The following NRG1 variants were observed in gnomAD, a reference collection of about 807,000 sequenced individuals.
The protein encoded by NRG1 is neuregulin 1.
A neutral mutation model predicts 63.8 loss-of-function variants in NRG1; 18 were observed. The observed-to-expected ratio is 0.28, with a 90% confidence interval of 0.19 to 0.42. The LOEUF (loss-of-function observed/expected upper bound fraction) is 0.42, where lower values mean the gene tolerates loss of function less well. Among genes scored for constraint, NRG1 ranks in the 10% least tolerant of loss-of-function variants. NRG1 has a pLI of 1.00. For missense variants in NRG1, 762 were observed against 814.7 expected (o/e 0.94, Z 0.79); for synonymous variants, 302 against 301.3 (o/e 1.00, Z -0.02).
At chr8:31,743,442 TACA>T (rs1323993087) in intron 1 of NRG1, among the ~76,000 whole-genome samples, 1 of 151,992 alleles carries the variant, frequency 6.6e-6, no homozygotes, top group Non-Finnish European at 1.5e-5. Context: ...ATTATTATAT[TACA>T]ACAAGCTCAA....
rs117482935 is a variant in NRG1 at position 31,987,649 on chromosome 8, C to G, written c.37+348218C>G. Among the ~76,000 whole-genome samples, 872 of 152,068 alleles carry G rather than the reference C, an allele frequency of 5.7e-3. 16 individuals are homozygous for G. The East Asian group carries it at 0.078, about 14-fold the overall frequency. ...AAAGCTACCTATCCGGTACTATGCT[C>G]TCTACCTGCCTGATGAAATAATTTG... is the stretch of plus-strand genomic sequence containing the variant. On this transcript the variant is annotated intron_variant, in intron 1 of 10. Transcript: ENST00000519301.
At chr8:32,227,649 A>G (rs1054698125) in intron 1 of NRG1, among the ~76,000 whole-genome samples, 5 of 152,130 alleles carry the variant, frequency 3.3e-5, no homozygotes, top group African/African-American at 1.2e-4. Context: ...TACTTTTCAC[A>G]TGAGTCAAGT....
chr8:32,441,677 A>G (rs1819562222), intron 1 of NRG1, among the ~76,000 whole-genome samples: 1 of 152,142 alleles, frequency 6.6e-6, no homozygotes, highest in Non-Finnish European at 1.5e-5. Context: ...CTCTGCTTTC[A>G]AGACTCTTCA....
At chr8:32,768,502 AGAG>A (rs549474225), downstream of NRG1, among the ~76,000 whole-genome samples, 292 of 152,314 alleles carry the variant, frequency 1.9e-3, 1 homozygote, top group East Asian at 4.4e-3. Flanking sequence ...TAATTTTAAA[AGAG>A]GAGAAGGCCA....
At chr8:31,988,261 AATTG>A (rs1307354049) in intron 1 of NRG1, among the ~76,000 whole-genome samples, 1 of 152,124 alleles carries the variant, frequency 6.6e-6, no homozygotes, top group Admixed American at 6.6e-5. Flanking sequence ...GTAACTGGTT[AATTG>A]ATTGACACTT....
chr8:32,099,007 G>A (rs1830226787), intron 1 of NRG1, among the ~76,000 whole-genome samples: 1 of 152,128 alleles, frequency 6.6e-6, no homozygotes, highest in Admixed American at 6.6e-5. Context: ...AGTGGCACAG[G>A]AGTAAAGAGA....
chr8:32,341,435 C>G (rs1420389551), intron 1 of NRG1, among the ~76,000 whole-genome samples: 2 of 152,192 alleles, frequency 1.3e-5, no homozygotes, highest in African/African-American at 4.8e-5. Flanking sequence ...TCCCCTGGTT[C>G]TACAGAAGAC....
intron 1 of NRG1, among the ~76,000 whole-genome samples, chr8:32,554,820 T>A (rs978535574): frequency 6.6e-5 from 10 of 152,190 alleles, no homozygotes; most frequent in African/African-American, 2.2e-4. Flanking sequence ...ATCAGAATTC[T>A]CTTCATTCTT....
Position 32,595,818 on chromosome 8 carries a change from C to G in NRG1, c.101-10C>G. ...TCAGAGTTGTTTTTCATTCTCTTTT[C>G]TTCTTTTAGCCTTGCCTCCCCGATT... On this transcript the variant is annotated splice_polypyrimidine_tract_variant and intron_variant, in intron 1 of 11. Transcript: ENST00000356819. The G allele has an allele frequency of 7.1e-6, 11 of 1,557,856 alleles. No homozygotes were observed. Among genetic ancestry groups the G allele is most frequent in the Middle Eastern group, 1.7e-4 (1 of 5,728 alleles).
At position 32,315,716 on chromosome 8, in the gene NRG1, G is replaced by C. The variant is rs1318398556; in HGVS notation, c.38-280112G>C. The stretch of plus-strand genomic sequence containing the variant: ...GACACCCTCAGAATGTCTGTGAAAT[G>C]ATGTAACTCTACGTGATGTGTGTCT... On this transcript the variant is annotated intron_variant, in intron 1 of 10. Transcript: ENST00000519301. Among the ~76,000 whole-genome samples the C allele has an allele frequency of 9.2e-5, 14 of 152,284 alleles. 1 individual carries two copies. The East Asian group carries it at 2.1e-3, about 23-fold the overall frequency.
Position 31,956,654 on chromosome 8 carries a change from CT to C in NRG1, c.37+317224del, listed in dbSNP as rs1159159693. On this transcript the variant is annotated intron_variant, in intron 1 of 10. Transcript: ENST00000519301. ...AAAAAAGTATTCTGTGAGCCAAGCG[CT>C]CTACTTGATTACTTGATTTAATCCT... 2.0e-5 allele frequency among the ~76,000 whole-genome samples: 3 copies of C among 152,266 alleles called. No individual in the cohort carries two copies. The East Asian group carries it at 5.8e-4, about 29-fold the overall frequency.
intron 1 of NRG1, among the ~76,000 whole-genome samples, chr8:31,996,144 T>C (rs1053471753): frequency 1.3e-5 from 2 of 151,844 alleles, no homozygotes; most frequent in Admixed American, 1.3e-4. Context: ...TTCTTTTGTC[T>C]TTCCATTTAA....
intron 1 of NRG1, among the ~76,000 whole-genome samples, chr8:32,192,481 A>T (rs940597048): frequency 6.6e-6 from 1 of 152,180 alleles, no homozygotes; most frequent in African/African-American, 2.4e-5. Context: ...AAGTAAATCA[A>T]TGTAGGAAGA....
chr8:32,627,854 T>C (rs1261298377), intron 5 of NRG1, among the ~76,000 whole-genome samples: 2 of 152,192 alleles, frequency 1.3e-5, no homozygotes, highest in African/African-American at 2.4e-5. Flanking sequence ...AGTGACTAAC[T>C]GACAAGAAGC....
intron 1 of NRG1, among the ~76,000 whole-genome samples, chr8:32,519,531 A>G (rs181054778): frequency 1.1e-4 from 16 of 152,238 alleles, no homozygotes; most frequent in Non-Finnish European, 1.9e-4. Context: ...CAAGATTTGA[A>G]ACATTTTCAG....
rs2129618099 is a variant in NRG1 at position 31,917,827 on chromosome 8, C to T, written c.37+278396C>T. On this transcript the variant is annotated intron_variant, in intron 1 of 10. Transcript: ENST00000519301. ...GGCCATTTTCATGATATTGACTCTTCCTACCCATGAGCATGGAATGTTCTT... is the reference window on the plus strand; with the variant it reads ...GGCCATTTTCATGATATTGACTCTTTCTACCCATGAGCATGGAATGTTCTT... 3.9e-5 allele frequency among the ~76,000 whole-genome samples: 6 copies of T among 152,304 alleles called. No homozygotes were observed. The South Asian group carries it at 1.2e-3, about 32-fold the overall frequency.
rs79547163 is a variant in NRG1, at chr8:31,658,319, T to C, written c.37+18888T>C. Among the ~76,000 whole-genome samples, 892 of 152,342 alleles carry C rather than the reference T, an allele frequency of 5.9e-3. 11 individuals are homozygous for C. Among genetic ancestry groups the C allele is most frequent in the African/African-American group, 0.021 (862 of 41,574 alleles). On this transcript the variant is annotated intron_variant, in intron 1 of 10. Transcript: ENST00000519301. ...AGGCATTGGCTTCTACCTCTCACTC[T>C]GTACTCATGACCTTGGGAACTCCAT...
intron 1 of NRG1, among the ~76,000 whole-genome samples, chr8:31,680,194 G>A (rs1451800819): frequency 6.6e-6 from 1 of 151,652 alleles, no homozygotes; most frequent in South Asian, 2.1e-4. Context: ...ACAATGTGCA[G>A]GTTAGTTACA....
chr8:31,874,261 A>G (rs1189703410), intron 1 of NRG1, among the ~76,000 whole-genome samples: 1 of 152,244 alleles, frequency 6.6e-6, no homozygotes, highest in Non-Finnish European at 1.5e-5. Flanking sequence ...GCATGCCATA[A>G]ATAAGAGACT....
Sources: allele counts gnomAD v4.1 joint callset (sites outside exome capture counted in the v4.1 genomes callset), GRCh38; gene constraint gnomAD v4.1.1; transcripts MANE v1.5; gene names NCBI Gene and HGNC (gene_info 2026-07-23, HGNC 2026-07-21).